Variants in CAMSAP2 observed in about 807,000 individuals in gnomAD.
CAMSAP2 encodes calmodulin regulated spectrin associated protein family member 2.
In CAMSAP2, 26 loss-of-function variants were observed where a neutral mutation model predicts 146.1. The ratio of observed to expected loss-of-function variants is 0.18; its 90% confidence interval spans 0.13 to 0.25. The LOEUF (loss-of-function observed/expected upper bound fraction) is 0.25, where lower values mean the gene tolerates loss of function less well. Ranked by LOEUF, CAMSAP2 falls within the 10% of genes least tolerant of loss-of-function variation. The probability of loss-of-function intolerance (pLI) is 1.00; values close to 1 mark genes in which losing one functional copy is unlikely to be tolerated. For missense variants in CAMSAP2, 1,381 were observed against 1,759.3 expected (o/e 0.78, Z 3.85); for synonymous variants, 499 against 596.6 (o/e 0.84, Z 2.38).
At chr1:200,804,534 C>T (rs1336278172) in intron 2 of CAMSAP2, among the ~76,000 whole-genome samples, 1 of 152,074 alleles carries the variant, frequency 6.6e-6, no homozygotes, top group African/African-American at 2.4e-5. Context: ...TTTTGTGGCT[C>T]TTGAAATATT....
intron 6 of CAMSAP2, among the ~76,000 whole-genome samples, chr1:200,836,340 T>C (rs1667184199): frequency 6.6e-6 from 1 of 152,190 alleles, no homozygotes; most frequent in Non-Finnish European, 1.5e-5. Context: ...TGAGAGCATG[T>C]GGTGTGTGGT....
At chr1:200,804,562 A>G (rs973803540) in intron 2 of CAMSAP2, among the ~76,000 whole-genome samples, 2 of 152,206 alleles carry the variant, frequency 1.3e-5, no homozygotes, top group Non-Finnish European at 2.9e-5. Context: ...ATTTTAATCC[A>G]AAAATGCCAT....
At chr1:200,847,834 C>A in intron 10 of CAMSAP2, 125 bp downstream of exon 10, 1 of 935,338 alleles carries the variant, frequency 1.1e-6, no homozygotes, top group Non-Finnish European at 1.6e-6. Context: ...TTGAAAAAGG[C>A]AGTATAGGCA....
intron 2 of CAMSAP2, among the ~76,000 whole-genome samples, chr1:200,783,597 T>C (rs557500111): frequency 6.6e-6 from 1 of 152,228 alleles, no homozygotes; most frequent in East Asian, 1.9e-4. Context: ...ATCCTCCCTC[T>C]TCAGCCTCCT....
rs183635737 is a variant in CAMSAP2, at chr1:200,841,986, C to T, written c.928-8C>T. 172 of 1,600,642 alleles carry T rather than the reference C, an allele frequency of 1.1e-4. No individual in the cohort carries two copies. The highest frequency in any genetic ancestry group is 1.5e-4 in the Admixed American group (9 of 59,804). ...TAATGTAGGCTTTCTCTTAAATTTC[C>T]TATATAGAGTAATTATTTGGTGTTC... On this transcript the variant is annotated splice_region_variant and splice_polypyrimidine_tract_variant and intron_variant, in intron 6 of 16. Transcript: ENST00000358823.
At position 200,857,489 on chromosome 1, in the gene CAMSAP2, A is replaced by C. The variant is rs1038433131; in HGVS notation, c.4131+65A>C. 8 of 1,059,722 alleles carry C rather than the reference A, an allele frequency of 7.5e-6. No individual in the cohort carries two copies. In the African/African-American group the frequency reaches 9.5e-5, roughly 13 times the overall value. The allele number at this position is 1,059,722 out of a possible 1,614,324, so 65.6% of individuals were successfully genotyped here. A position where few individuals can be genotyped will look rare whatever the true frequency, so the allele number is the denominator to read the frequency against. ...AGAAGTCTTTTATCCATTCAAGAGA[A>C]TGTACTCTCATGGGCCTAGACTTTC... On this transcript the variant is annotated intron_variant, in intron 16 of 16. Transcript: ENST00000358823. The surrounding 1 kb of genome is among the most constrained non-coding windows in gnomAD (Gnocchi z 4.7).
chr1:200,791,542 T>C (rs1315909893), intron 2 of CAMSAP2, among the ~76,000 whole-genome samples: 3 of 151,878 alleles, frequency 2.0e-5, no homozygotes, highest in Admixed American at 1.3e-4. Context: ...GCTTTGTTCA[T>C]TTTTTTAAGG....
At chr1:200,774,399 T>C (rs1665210145) in intron 2 of CAMSAP2, among the ~76,000 whole-genome samples, 1 of 152,192 alleles carries the variant, frequency 6.6e-6, no homozygotes, top group Non-Finnish European at 1.5e-5. Flanking sequence ...TGTTACAAAG[T>C]GCACTATGTT....
chr1:200,761,006 G>A lies in CAMSAP2; in HGVS notation c.307G>A (p.Val103Ile). 4 of 1,614,074 alleles carry A rather than the reference G, an allele frequency of 2.5e-6. No homozygotes were observed. The highest frequency in any genetic ancestry group is 1.3e-5 in the African/African-American group (1 of 75,016). Residue 103 changes from valine to isoleucine, a missense_variant, in exon 2 of 17, where the codon GTA (valine) becomes ATA (isoleucine). Val to Ile is a conservative substitution (Grantham distance 29). Transcript: ENST00000358823. ...AAKPLLGHDA[V>I]IQALAQKGLY... ...AAAACCCCTTTTGGGCCATGATGCT[G>A]TAATCCAGGCTTTAGCACAGAAAGG...
At chr1:200,806,454 G>T (rs1666171668) in intron 2 of CAMSAP2, among the ~76,000 whole-genome samples, 1 of 152,186 alleles carries the variant, frequency 6.6e-6, no homozygotes, top group Admixed American at 6.5e-5. Context: ...CAGGCAGGCT[G>T]ATAACGTTGG....
chr1:200,748,050 C>G (rs966857263), intron 1 of CAMSAP2, among the ~76,000 whole-genome samples: 3 of 151,770 alleles, frequency 2.0e-5, no homozygotes, highest in African/African-American at 7.3e-5. Flanking sequence ...ATGTACCACA[C>G]CATTCAGAGC....
intron 7 of CAMSAP2, among the ~76,000 whole-genome samples, chr1:200,843,318 G>A (rs1667375279): frequency 6.6e-6 from 1 of 152,132 alleles, no homozygotes; most frequent in South Asian, 2.1e-4. Flanking sequence ...AGTACAATGA[G>A]GTTACTTCAG....
intron 2 of CAMSAP2, among the ~76,000 whole-genome samples, chr1:200,763,948 C>T (rs1315688329): frequency 5.3e-5 from 8 of 151,878 alleles, no homozygotes; most frequent in African/African-American, 1.7e-4. Context: ...GTGGCAGGCA[C>T]CTGTAACCCG....
At chr1:200,835,001 A>G (rs968732019) in intron 6 of CAMSAP2, among the ~76,000 whole-genome samples, 1 of 152,232 alleles carries the variant, frequency 6.6e-6, no homozygotes, top group African/African-American at 2.4e-5. Flanking sequence ...TTGAAGTTCA[A>G]GATTTGCTGT....
intron 1 of CAMSAP2, among the ~76,000 whole-genome samples, chr1:200,758,988 C>T (rs1043763564): frequency 7.2e-5 from 11 of 152,148 alleles, no homozygotes; most frequent in African/African-American, 1.7e-4. Flanking sequence ...TGTTCCAAAA[C>T]GTCAGTCTTA....
intron 2 of CAMSAP2, among the ~76,000 whole-genome samples, chr1:200,772,131 G>A (rs536202944): frequency 6.6e-6 from 1 of 152,082 alleles, no homozygotes; most frequent in South Asian, 2.1e-4. Flanking sequence ...TCACAGTTAG[G>A]AATGCATTTT....
chr1:200,760,412 G>A (rs1166821649), intron 1 of CAMSAP2, among the ~76,000 whole-genome samples: 1 of 152,192 alleles, frequency 6.6e-6, no homozygotes, highest in African/African-American at 2.4e-5. Context: ...AGATGATTTT[G>A]TATTCTCAGG....
chr1:200,782,782 CTTTTTTTTTTTTTT>C (rs57995961), intron 2 of CAMSAP2, among the ~76,000 whole-genome samples: 5 of 72,242 alleles, frequency 6.9e-5, no homozygotes, highest in East Asian at 3.6e-4. Context: ...TCATTTCTCT[CTTTTTTTTTTTTTT>C]TTTTTTTTTT....
intron 1 of CAMSAP2, among the ~76,000 whole-genome samples, chr1:200,759,633 T>G (rs923213156): frequency 6.6e-6 from 1 of 152,172 alleles, no homozygotes; most frequent in African/African-American, 2.4e-5. Flanking sequence ...GAGCTTATAT[T>G]AAAGCTGCCT....
Sources: allele counts gnomAD v4.1 joint callset (sites outside exome capture counted in the v4.1 genomes callset), GRCh38; gene constraint gnomAD v4.1.1; non-coding constraint Gnocchi (gnomAD v3.1); transcripts MANE v1.5; gene names NCBI Gene and HGNC (gene_info 2026-07-23, HGNC 2026-07-21).